The following FBN2 variants were observed in gnomAD, a reference collection of about 807,000 sequenced individuals.
FBN2 encodes the protein fibrillin 2, also known as fibrillin-2.
Under a neutral mutation model 355.6 loss-of-function variants are expected in FBN2, and 105 were observed. The observed-to-expected ratio is 0.30, with a 90% CI of 0.25 to 0.35. The LOEUF (loss-of-function observed/expected upper bound fraction) is 0.35, where lower values mean the gene tolerates loss of function less well. Among genes scored for constraint, FBN2 ranks in the 10% least tolerant of loss-of-function variants. The pLI is 1.00. For missense variants in FBN2, 3,280 were observed against 3,758.7 expected (o/e 0.87, Z 3.33); for synonymous variants, 1,350 against 1,301.2 (o/e 1.04, Z -0.81).
At chr5:128,276,750 G>A (rs552286443) in intron 58 of FBN2, among the ~76,000 whole-genome samples, 1 of 152,282 alleles carries the variant, frequency 6.6e-6, no homozygotes, top group East Asian at 1.9e-4. Flanking sequence ...TGGAGCAGCT[G>A]TCAGAGGTCC....
chr5:128,438,092 GT>G (rs1753822582), intron 7 of FBN2, among the ~76,000 whole-genome samples: 1 of 152,150 alleles, frequency 6.6e-6, no homozygotes, highest in Non-Finnish European at 1.5e-5. Context: ...CTGGGCTTAG[GT>G]GATCCTAATG....
chr5:128,430,724 A>C (rs915133441), intron 7 of FBN2, among the ~76,000 whole-genome samples: 1 of 152,002 alleles, frequency 6.6e-6, no homozygotes, highest in African/African-American at 2.4e-5. Context: ...CAGGCCTATA[A>C]TCCCAGCTAC....
At chr5:128,359,994 T>C (rs1561788626) in intron 19 of FBN2, among the ~76,000 whole-genome samples, 2 of 152,150 alleles carry the variant, frequency 1.3e-5, no homozygotes, top group East Asian at 3.8e-4. Flanking sequence ...AGTATTTTCC[T>C]AGACAGAGAA....
chr5:128,447,226 T>C (rs1181762480), intron 6 of FBN2, among the ~76,000 whole-genome samples: 1 of 152,174 alleles, frequency 6.6e-6, no homozygotes, highest in African/African-American at 2.4e-5. Flanking sequence ...GTTCAGGGAA[T>C]AAGGGAGATA....
At chr5:128,276,242 T>C in intron 58 of FBN2, 82 bp from the exon 59 acceptor site, 1 of 1,449,122 alleles carries the variant, frequency 6.9e-7, no homozygotes. Context: ...TCTCACTTCA[T>C]TCTTTTTGTT....
chr5:128,399,895 G>A (rs1433832409), intron 8 of FBN2, among the ~76,000 whole-genome samples: 1 of 151,520 alleles, frequency 6.6e-6, no homozygotes, highest in Non-Finnish European at 1.5e-5. Flanking sequence ...AAGAAACCAA[G>A]AAAGGAGAAA....
intron 5 of FBN2, among the ~76,000 whole-genome samples, chr5:128,492,979 T>C (rs1200408600): frequency 6.6e-6 from 1 of 151,428 alleles, no homozygotes; most frequent in Non-Finnish European, 1.5e-5. Context: ...AGACTAGCAA[T>C]AAAAATAAAT....
intron 34 of FBN2, among the ~76,000 whole-genome samples, chr5:128,319,501 GTTAA>G (rs1295145728): frequency 2.1e-5 from 2 of 93,086 alleles, no homozygotes; most frequent in Admixed American, 1.1e-4. Context: ...AATAAATTTA[GTTAA>G]TTTAGTTAAT....
chr5:128,494,132 A>G (rs1229312658), intron 5 of FBN2, among the ~76,000 whole-genome samples: 1 of 152,176 alleles, frequency 6.6e-6, no homozygotes, highest in East Asian at 1.9e-4. Flanking sequence ...CCTACCCTGC[A>G]TCCTATTTAT....
chr5:128,296,048 C>G (rs1313894557), intron 48 of FBN2, among the ~76,000 whole-genome samples: 7,052 of 152,024 alleles, frequency 0.046, 570 homozygotes, highest in African/African-American at 0.16. Flanking sequence ...TAGCATGAAG[C>G]ACTGTTGAAT....
chr5:128,290,599 G>T, intron 50 of FBN2, 133 bp downstream of exon 50: 2 of 923,052 alleles, frequency 2.2e-6, no homozygotes, highest in Non-Finnish European at 3.5e-6. Context: ...GTTGTTCAAT[G>T]AACCATCAAA....
At chr5:128,423,501 T>C (rs1416355694) in intron 7 of FBN2, among the ~76,000 whole-genome samples, 1 of 152,124 alleles carries the variant, frequency 6.6e-6, no homozygotes, top group Non-Finnish European at 1.5e-5. Context: ...CCCACCACCA[T>C]GATTCAATTA....
At chr5:128,449,026 A>G (rs1230045282) in intron 6 of FBN2, among the ~76,000 whole-genome samples, 1 of 151,994 alleles carries the variant, frequency 6.6e-6, no homozygotes, top group Non-Finnish European at 1.5e-5. Context: ...AGGTAAAATA[A>G]AAGTGAGATT....
At position 128,289,233 on chromosome 5, in the gene FBN2, C is replaced by T. The variant is rs945842696; in HGVS notation, c.6531G>A (p.Glu2177=). 1.2e-6 allele frequency: 2 copies of T among 1,613,972 alleles called. No homozygotes were observed. Among genetic ancestry groups the T allele is most frequent in the Non-Finnish European group, 8.5e-7 (1 of 1,179,860 alleles). Residue 2177 remains glutamate, a synonymous_variant, in exon 52 of 65, where the codon GAG becomes GAA. Transcript: ENST00000262464. The stretch of plus-strand genomic sequence containing the variant: ...GACCATTTGAACAAATGCCTGGGCT[C>T]TCAAGACACTCATTGACATCTAAAA... The part of the protein sequence containing the change: ...DTREDVNECL[E]SPGICSNGQC...
intron 55 of FBN2, among the ~76,000 whole-genome samples, chr5:128,285,801 A>G (rs772371506): frequency 3.3e-5 from 5 of 152,246 alleles, no homozygotes; most frequent in Non-Finnish European, 7.3e-5. Flanking sequence ...TAATAAAGAT[A>G]GTATAATATA....
intron 20 of FBN2, among the ~76,000 whole-genome samples, chr5:128,355,995 T>G (rs1479113424): frequency 6.6e-6 from 1 of 152,244 alleles, no homozygotes; most frequent in African/African-American, 2.4e-5. Context: ...TCAAGTGGCA[T>G]GCAGATTTAG....
intron 7 of FBN2, among the ~76,000 whole-genome samples, chr5:128,416,633 T>C (rs1019002148): frequency 6.6e-6 from 1 of 152,192 alleles, no homozygotes; most frequent in Admixed American, 6.5e-5. Context: ...CATATAGATA[T>C]CCAGTTTTCC....
chr5:128,421,388 T>G (rs1256759108), intron 7 of FBN2, among the ~76,000 whole-genome samples: 1 of 151,914 alleles, frequency 6.6e-6, no homozygotes, highest in African/African-American at 2.4e-5. Flanking sequence ...AAAGAATACA[T>G]GAAAAAATAT....
At chr5:128,527,305 G>T (rs1434825243) in intron 4 of FBN2, among the ~76,000 whole-genome samples, 2 of 152,122 alleles carry the variant, frequency 1.3e-5, no homozygotes, top group African/African-American at 2.4e-5. Flanking sequence ...ATTCTCCAGT[G>T]AAGGTACCAG....
Sources: gnomAD v4.1 joint callset for allele counts (sites outside exome capture counted in the v4.1 genomes callset) on GRCh38, gnomAD v4.1.1 for gene constraint, MANE v1.5 for transcripts, NCBI Gene and HGNC (gene_info 2026-07-23, HGNC 2026-07-21) for gene names.